The following HMCN1 variants were observed in gnomAD, a reference collection of about 807,000 sequenced individuals.
HMCN1 encodes the protein hemicentin 1.
HMCN1 carries 321 observed loss-of-function variants against 625.9 expected under a neutral mutation model. That is an observed-to-expected ratio of 0.51 (90% CI 0.47 to 0.56). The LOEUF (loss-of-function observed/expected upper bound fraction) is 0.56. Among genes scored for constraint, HMCN1 ranks in the 20% least tolerant of loss-of-function variants. The pLI is 0.00. For missense variants in HMCN1, 6,588 were observed against 6,887.3 expected (o/e 0.96, Z 1.54); for synonymous variants, 2,425 against 2,417.6 (o/e 1.00, Z -0.09).
intron 1 of HMCN1, among the ~76,000 whole-genome samples, chr1:185,741,485 A>G (rs2102069263): frequency 6.6e-6 from 1 of 152,298 alleles, no homozygotes; most frequent in African/African-American, 2.4e-5. Flanking sequence ...ACATACATAT[A>G]GATGGTATTT....
chr1:186,055,731 G>T (rs1009374241), intron 45 of HMCN1, 57 bp downstream of exon 45: 2 of 1,538,244 alleles, frequency 1.3e-6, no homozygotes, highest in Non-Finnish European at 1.8e-6. Context: ...CTAGCATCCT[G>T]GATGGGAGAT....
At chr1:185,877,931 T>C (rs1172117666) in intron 4 of HMCN1, among the ~76,000 whole-genome samples, 1 of 152,134 alleles carries the variant, frequency 6.6e-6, no homozygotes, top group African/African-American at 2.4e-5. Context: ...GTTGTTCCTC[T>C]CTTTGTCCCC....
Position 186,069,757 on chromosome 1 carries a change from C to CT in HMCN1, c.7975dup (p.Tyr2659LeufsTer2). The CT allele has an allele frequency of 6.2e-7, 1 of 1,611,316 alleles. No individual in the cohort carries two copies. Among genetic ancestry groups the CT allele is most frequent in the Non-Finnish European group, 8.5e-7 (1 of 1,177,926 alleles). The stretch of plus-strand genomic sequence containing the variant: ...ATGAGGCTGGAGAAATGATAAAGCA[C>CT]TATGAAGTGAAGGTGTACAGTAAGT... On this transcript the variant is annotated frameshift_variant, in exon 51 of 107. Transcript: ENST00000271588. LOFTEE classifies it high-confidence loss of function.
At chr1:185,752,282 C>G (rs1654867410) in intron 1 of HMCN1, among the ~76,000 whole-genome samples, 1 of 151,986 alleles carries the variant, frequency 6.6e-6, no homozygotes, top group South Asian at 2.1e-4. Flanking sequence ...CCTTGTTTTA[C>G]TGATAGGGCT....
At chr1:186,143,078 T>A (rs1650073849) in intron 89 of HMCN1, among the ~76,000 whole-genome samples, 1 of 152,232 alleles carries the variant, frequency 6.6e-6, no homozygotes, top group African/African-American at 2.4e-5. Context: ...TACTTTTTAG[T>A]GCAAATTCTT....
chr1:186,078,512 G>A (rs759857357), intron 55 of HMCN1, among the ~76,000 whole-genome samples: 7 of 152,288 alleles, frequency 4.6e-5, no homozygotes, highest in Non-Finnish European at 8.8e-5. Flanking sequence ...TCTGACTTCT[G>A]TGGTTCAAAT....
intron 29 of HMCN1, among the ~76,000 whole-genome samples, chr1:186,006,509 A>G (rs1259164495): frequency 2.6e-5 from 4 of 152,132 alleles, no homozygotes; most frequent in African/African-American, 4.8e-5. Flanking sequence ...GACTCTGTAT[A>G]GTAGAAAAAG....
At chr1:186,039,588 G>A (rs1162456523) in intron 38 of HMCN1, 140 bp from the exon 39 acceptor site, 2 of 813,864 alleles carry the variant, frequency 2.5e-6, no homozygotes, top group East Asian at 2.6e-5. Flanking sequence ...TTAAATAAGA[G>A]AGATGTGAAA....
At chr1:185,820,100 T>C (rs543961159) in intron 1 of HMCN1, among the ~76,000 whole-genome samples, 2 of 152,296 alleles carry the variant, frequency 1.3e-5, no homozygotes, top group African/African-American at 4.8e-5. Context: ...TGCTATTTGC[T>C]TTTGATTGGG....
intron 106 of HMCN1, among the ~76,000 whole-genome samples, chr1:186,189,187 A>G (rs928401644): frequency 1.3e-5 from 2 of 152,202 alleles, no homozygotes; most frequent in African/African-American, 4.8e-5. Context: ...TCCAATATAT[A>G]TGCAGAAGCT....
intron 28 of HMCN1, among the ~76,000 whole-genome samples, chr1:186,003,447 A>G (rs531140292): frequency 1.3e-5 from 2 of 152,128 alleles, no homozygotes; most frequent in African/African-American, 2.4e-5. Context: ...ACTTTTGCAT[A>G]TGAGTTTAAT....
chr1:185,957,412 T>C (rs1364980578), intron 11 of HMCN1, among the ~76,000 whole-genome samples: 2 of 152,180 alleles, frequency 1.3e-5, no homozygotes, highest in Non-Finnish European at 2.9e-5. Context: ...TGAGTAAAGG[T>C]TACATAAGTG....
At chr1:185,999,600 G>A (rs995198208) in intron 25 of HMCN1, among the ~76,000 whole-genome samples, 2 of 151,926 alleles carry the variant, frequency 1.3e-5, no homozygotes, top group Admixed American at 6.6e-5. Context: ...ATAAAACATC[G>A]TGTCTCCATA....
chr1:186,102,929 A>G (rs1176305122), intron 68 of HMCN1, among the ~76,000 whole-genome samples: 3 of 152,158 alleles, frequency 2.0e-5, no homozygotes, highest in African/African-American at 7.2e-5. Context: ...CAAAAGAGGA[A>G]GTTACTCCCA....
At position 186,007,182 on chromosome 1, in the gene HMCN1, A is replaced by G. The variant is rs1162905141; in HGVS notation, c.4530A>G (p.Leu1510=). ...NVELLDRGQV[L]HLKNARRNDK... ...AACTTCTAGACAGAGGACAAGTCTT[A>G]CATTTAAAGAATGCACGGAGAAATG... Residue 1510 remains leucine, a synonymous_variant, in exon 30 of 107, where the codon TTA becomes TTG. Coordinates refer to ENST00000271588, the MANE Select transcript of HMCN1 (RefSeq NM_031935.3). The G allele has an allele frequency of 6.2e-7, 1 of 1,613,212 alleles. No homozygotes were observed. Among genetic ancestry groups the G allele is most frequent in the Non-Finnish European group, 8.5e-7 (1 of 1,179,218 alleles).
At chr1:185,818,215 G>A (rs1196746757) in intron 1 of HMCN1, among the ~76,000 whole-genome samples, 6 of 152,026 alleles carry the variant, frequency 3.9e-5, no homozygotes, top group Non-Finnish European at 7.4e-5. Context: ...CCTCACTGTG[G>A]CATCCTTGAA....
chr1:185,957,388 G>A (rs1649703807), intron 11 of HMCN1, among the ~76,000 whole-genome samples: 1 of 152,184 alleles, frequency 6.6e-6, no homozygotes, highest in African/African-American at 2.4e-5. Flanking sequence ...ATTTTCAAAT[G>A]CTTATACTGC....
intron 4 of HMCN1, among the ~76,000 whole-genome samples, chr1:185,893,625 C>T (rs1309182784): frequency 6.6e-6 from 1 of 152,080 alleles, no homozygotes; most frequent in African/African-American, 2.4e-5. Context: ...ATCTTACTCC[C>T]TTAGAATACA....
rs1658418360 is a variant in HMCN1, at chr1:186,070,595, A to G, written c.7994-17A>G. 1.2e-6 allele frequency: 2 copies of G among 1,602,852 alleles called. No individual in the cohort carries two copies. The highest frequency in any genetic ancestry group is 8.5e-7 in the Non-Finnish European group (1 of 1,170,072). On this transcript the variant is annotated splice_polypyrimidine_tract_variant and intron_variant, in intron 51 of 106. Transcript: ENST00000271588. ...AAAATAACCAATGTCTAACTCTTTA[A>G]TATTTATTTTATGCAGTTCCACCCA...
Sources: gnomAD v4.1 joint callset for allele counts (sites outside exome capture counted in the v4.1 genomes callset) on GRCh38, gnomAD v4.1.1 for gene constraint, MANE v1.5 for transcripts, NCBI Gene and HGNC (gene_info 2026-07-23, HGNC 2026-07-21) for gene names.